ZNF681: variants seen among roughly 807,000 people sequenced by gnomAD.
ZNF681 encodes hypothetical protein FLJ31526.
A neutral mutation model predicts 56.0 loss-of-function variants in ZNF681; 37 were observed. The ratio of observed to expected loss-of-function variants is 0.66; its 90% CI spans 0.51 to 0.87. The LOEUF is 0.87. Among genes scored for constraint, ZNF681 ranks in the 40% least tolerant of loss-of-function variants. The pLI is 0.00. For missense variants in ZNF681, 741 were observed against 744.9 expected (o/e 0.99, Z 0.06); for synonymous variants, 225 against 248.6 (o/e 0.91, Z 0.89).
chr19:23,751,407 C>T (rs1381740069), intron 3 of ZNF681, among the ~76,000 whole-genome samples: 5 of 143,004 alleles, frequency 3.5e-5, no homozygotes, highest in African/African-American at 1.3e-4. Context: ...ACTCTGGAGG[C>T]GGAGGTTGCA....
In ZNF681 at chr19:23,747,496, C is replaced by T. The variant is rs533120948; in HGVS notation, c.227-2173G>A. 1.1e-4 allele frequency among the ~76,000 whole-genome samples: 16 copies of T among 151,704 alleles called. 1 individual carries two copies. In the East Asian group the frequency reaches 1.9e-3, roughly 18 times the overall value. On this transcript the variant is annotated intron_variant, in intron 3 of 3. Coordinates refer to ENST00000402377, the MANE Select transcript of ZNF681 (RefSeq NM_138286.3). ...CTACTAAAAATACAAAAAAATTAGC[C>T]GGGCGTGGTGGCGGGCACCTGTAGT...
At chr19:23,747,041 T>C (rs934282106) in intron 3 of ZNF681, among the ~76,000 whole-genome samples, 13 of 152,110 alleles carry the variant, frequency 8.5e-5, no homozygotes, top group Non-Finnish European at 1.9e-4. Flanking sequence ...AAAGGAGCAC[T>C]TGAGCCCTGA....
Position 23,744,789 on chromosome 19 carries a change from T to A in ZNF681, c.761A>T (p.Tyr254Phe). The stretch of plus-strand genomic sequence containing the variant: ...GGCTTTGCTACATTCTTCACGTTTG[T>A]AGAGTTTGTCTCTAGTATAAATTAT... ...HKIIYTRDKL[Y>F]KREECSKAFN... Residue 254 changes from tyrosine (Y) to phenylalanine (F), a missense_variant, in exon 4 of 4, where the codon TAC becomes TTC. Tyr to Phe is a conservative substitution (Grantham distance 22). Transcript: ENST00000402377. 2 of 1,613,128 alleles carry A rather than the reference T, an allele frequency of 1.2e-6. No individual in the cohort carries two copies. Among genetic ancestry groups the A allele is most frequent in the Non-Finnish European group, 8.5e-7 (1 of 1,179,556 alleles).
chr19:23,745,173 C>G lies in ZNF681; in HGVS notation c.377G>C (p.Gly126Ala), dbSNP rs1009431006. Reference protein sequence around the residue: ...SVDECKVQKGGYNGLNQCLPT... With the variant: ...SVDECKVQKGAYNGLNQCLPT... ...CAAACATTGGTTAAGTCCATTATAA[C>G]CTCCTTTTTGCACTTTGCACTCATC... The change falls in exon 4 of 4, where the codon GGT (glycine) becomes GCT (alanine). Residue 126 changes from glycine (G) to alanine (A), a missense_variant. Gly to Ala is a moderately conservative substitution (Grantham distance 60). Coordinates refer to ENST00000402377, the MANE Select transcript of ZNF681 (RefSeq NM_138286.3). 1.2e-6 allele frequency: 2 copies of G among 1,613,096 alleles called. No homozygotes were observed. The highest frequency in any genetic ancestry group is 1.7e-6 in the Non-Finnish European group (2 of 1,179,814).
At chr19:23,749,398 A>T (rs1968991659) in intron 3 of ZNF681, among the ~76,000 whole-genome samples, 1 of 152,150 alleles carries the variant, frequency 6.6e-6, no homozygotes, top group Non-Finnish European at 1.5e-5. Flanking sequence ...TAAAATTTTT[A>T]AAAGTCTTTT....
rs1352519469 is a variant in ZNF681 at position 23,740,454 on chromosome 19, TA to T, written c.*3157del. On this transcript the variant is annotated 3_prime_UTR_variant, in exon 4 of 4. Coordinates refer to ENST00000402377, the MANE Select transcript of ZNF681 (RefSeq NM_138286.3). Reference sequence around the variant, plus strand: ...AAAACTGAGCTTTGCAGCCTGAAAATAAATGTCCTCTCCACATAAAAAATCA... The same window carrying T: ...AAAACTGAGCTTTGCAGCCTGAAAATAATGTCCTCTCCACATAAAAAATCA... 1 of 152,100 alleles carries T rather than the reference TA, an allele frequency of 6.6e-6. No homozygotes were observed. The highest frequency in any genetic ancestry group is 2.4e-5 in the African/African-American group (1 of 41,432). The allele number at this position is 152,100 out of a possible 1,614,324, so 9.4% of individuals were successfully genotyped here.
Position 23,744,735 on chromosome 19 carries a change from T to A in ZNF681, c.815A>T (p.His272Leu). 1 of 1,613,722 alleles carries A rather than the reference T, an allele frequency of 6.2e-7. No homozygotes were observed. Among genetic ancestry groups the A allele is most frequent in the East Asian group, 2.2e-5 (1 of 44,878 alleles). ...ATTCTCTCCAGTATGAATTATTGTA[T>A]GTGTTGTAATGTGTGACGACAGGTT... The part of the protein sequence containing the change: ...AFNLSSHITT[H>L]TIIHTGENPY... Residue 272 changes from histidine (H) to leucine (L), a missense_variant, in exon 4 of 4, where the codon CAT becomes CTT. Coordinates refer to ENST00000402377, the MANE Select transcript of ZNF681 (RefSeq NM_138286.3).
chr19:23,757,328 T>C (rs1202463605), intron 1 of ZNF681, among the ~76,000 whole-genome samples: 1 of 152,178 alleles, frequency 6.6e-6, no homozygotes, highest in African/African-American at 2.4e-5. Flanking sequence ...TGTTTAATAA[T>C]TCCCAGGATT....
chr19:23,745,377 T>C, intron 3 of ZNF681, 54 bp from the exon 4 acceptor site: 1 of 1,359,982 alleles, frequency 7.4e-7, no homozygotes, highest in Non-Finnish European at 9.7e-7. Context: ...CTAAATATAC[T>C]TTACAAATCC....
rs1969101528 is a variant in ZNF681 at position 23,755,558 on chromosome 19, A to AAAAC, written c.4-8_4-7insGTTT. 3.9e-6 allele frequency: 5 copies of AAAAC among 1,277,532 alleles called. No individual in the cohort carries two copies. Among genetic ancestry groups the AAAAC allele is most frequent in the Middle Eastern group, 2.1e-4 (1 of 4,840 alleles). 79.1% of individuals were successfully genotyped at this position (1,277,532 alleles called of 1,614,324 possible). On this transcript the variant is annotated splice_polypyrimidine_tract_variant and splice_region_variant and intron_variant, in intron 1 of 3. Transcript: ENST00000402377. The stretch of plus-strand genomic sequence containing the variant: ...CCCTAAATTTCAATGGTTCCTGAAA[A>AAAAC]ACACACACACACACACACACACACA...
chr19:23,744,204 G>A lies in ZNF681; in HGVS notation c.1346C>T (p.Pro449Leu), dbSNP rs1968907478. 1.2e-6 allele frequency: 2 copies of A among 1,613,526 alleles called. No homozygotes were observed. The highest frequency in any genetic ancestry group is 4.5e-5 in the East Asian group (2 of 44,828). Residue 449 changes from proline to leucine, a missense_variant, in exon 4 of 4, where the codon CCA (proline) becomes CTA (leucine). Transcript: ENST00000402377. ...EHKNIHTEEK[P>L]YKCEECGKAF... Reference sequence around the variant, plus strand: ...TTTCCCACATTCTTCACATTTGTATGGTTTCTCTTCAGTATGAATATTCTT... The same window carrying A: ...TTTCCCACATTCTTCACATTTGTATAGTTTCTCTTCAGTATGAATATTCTT...
intron 3 of ZNF681, among the ~76,000 whole-genome samples, chr19:23,753,859 T>G (rs928640660): frequency 3.1e-4 from 5 of 15,988 alleles, no homozygotes; most frequent in African/African-American, 8.8e-4. Flanking sequence ...AGACTTTGTC[T>G]CAAAAAAAAA....
chr19:23,741,472 G>A lies in ZNF681; in HGVS notation c.*2140C>T, dbSNP rs973902189. 4 of 152,272 alleles carry A rather than the reference G, an allele frequency of 2.6e-5. No individual in the cohort carries two copies. The highest frequency in any genetic ancestry group is 3.4e-3 in the Middle Eastern group (1 of 294). The allele number at this position is 152,272 out of a possible 1,614,324, so 9.4% of individuals were successfully genotyped here. ...CTCCCACCTGTAATCCCAGCACTTTGGGAGGCCGAGGGGGCTAATCATGGG... is the reference window on the plus strand; with the variant it reads ...CTCCCACCTGTAATCCCAGCACTTTAGGAGGCCGAGGGGGCTAATCATGGG... On this transcript the variant is annotated 3_prime_UTR_variant, in exon 4 of 4. Coordinates refer to ENST00000402377, the MANE Select transcript of ZNF681 (RefSeq NM_138286.3).
intron 1 of ZNF681, 53 bp from the exon 2 acceptor site, chr19:23,755,604 CATTT>C: frequency 1.0e-5 from 9 of 859,668 alleles, no homozygotes; most frequent in Middle Eastern, 2.6e-4. Flanking sequence ...CACACATACA[CATTT>C]AGAAAGTGGC....
In ZNF681 at chr19:23,743,396, G is replaced by A. The variant is rs1405985185; in HGVS notation, c.*216C>T. 3 of 381,076 alleles carry A rather than the reference G, an allele frequency of 7.9e-6. No individual in the cohort carries two copies. The highest frequency in any genetic ancestry group is 4.2e-5 in the Admixed American group (1 of 23,996). The allele number at this position is 381,076 out of a possible 1,614,324, so 23.6% of individuals were successfully genotyped here. A position where few individuals can be genotyped will look rare whatever the true frequency, so the allele number is the denominator to read the frequency against. Reference sequence around the variant, plus strand: ...TTTTATTAAGTATGAAATCTCTGATGTTGAGTAAGATGTGAACAGATATTA... The same window carrying A: ...TTTTATTAAGTATGAAATCTCTGATATTGAGTAAGATGTGAACAGATATTA... On this transcript the variant is annotated 3_prime_UTR_variant, in exon 4 of 4. Transcript: ENST00000402377.
chr19:23,755,370 A>G (rs1408616234), intron 2 of ZNF681, 55 bp downstream of exon 2: 1 of 1,548,010 alleles, frequency 6.5e-7, no homozygotes, highest in East Asian at 2.3e-5. Context: ...TATACAAAAA[A>G]GAAAAATGAA....
At chr19:23,747,500 C>T (rs1345113050) in intron 3 of ZNF681, among the ~76,000 whole-genome samples, 6 of 151,700 alleles carry the variant, frequency 4.0e-5, no homozygotes, top group African/African-American at 1.2e-4. Context: ...ATTAGCCGGG[C>T]GTGGTGGCGG....
chr19:23,739,312 C>T lies in ZNF681; in HGVS notation c.*4300G>A, dbSNP rs1054895189. 3 of 151,936 alleles carry T rather than the reference C, an allele frequency of 2.0e-5. No individual in the cohort carries two copies. Among genetic ancestry groups the T allele is most frequent in the Non-Finnish European group, 4.4e-5 (3 of 67,992 alleles). 9.4% of individuals were successfully genotyped at this position (151,936 alleles called of 1,614,324 possible). On this transcript the variant is annotated 3_prime_UTR_variant, in exon 4 of 4. Coordinates refer to ENST00000402377, the MANE Select transcript of ZNF681 (RefSeq NM_138286.3). ...GAAGTGGAGAATAAAATGGTGACCA[C>T]CAGATGCCAACATATTTGGAAAAAA... is the stretch of plus-strand genomic sequence containing the variant.
chr19:23,747,509 G>A (rs376630130), intron 3 of ZNF681, among the ~76,000 whole-genome samples: 3 of 151,574 alleles, frequency 2.0e-5, no homozygotes, highest in Admixed American at 1.3e-4. Context: ...GCGTGGTGGC[G>A]GGCACCTGTA....
Sources: allele counts gnomAD v4.1 joint callset (sites outside exome capture counted in the v4.1 genomes callset), GRCh38; gene constraint gnomAD v4.1.1; transcripts MANE v1.5; gene names NCBI Gene and HGNC (gene_info 2026-07-23, HGNC 2026-07-21).